Variants in FGF7 observed in about 807,000 individuals in gnomAD.
FGF7 encodes FGF-7.
FGF7 carries 6 observed loss-of-function variants against 20.5 expected under a neutral mutation model. That is an observed-to-expected ratio of 0.29 (90% CI 0.16 to 0.58). The LOEUF is 0.58. Among genes scored for constraint, FGF7 ranks in the 20% least tolerant of loss-of-function variants. The probability of loss-of-function intolerance (pLI) is 0.90; values close to 1 mark genes in which losing one functional copy is unlikely to be tolerated. For missense variants in FGF7, 144 were observed against 228.8 expected (o/e 0.63, Z 2.39); for synonymous variants, 64 against 74.7 (o/e 0.86, Z 0.74).
At chr15:49,462,392 A>G (rs528744604) in intron 2 of FGF7, among the ~76,000 whole-genome samples, 146 of 152,296 alleles carry the variant, frequency 9.6e-4, no homozygotes, top group Middle Eastern at 6.8e-3. Context: ...CTTAATCACA[A>G]TGCTTTTTCC....
In FGF7 at chr15:49,424,020, C is replaced by T. The variant is rs1243374368; in HGVS notation, c.-266-12C>T. 1 of 323,256 alleles carries T rather than the reference C, an allele frequency of 3.1e-6. No homozygotes were observed. Among genetic ancestry groups the T allele is most frequent in the African/African-American group, 2.1e-5 (1 of 47,388 alleles). 20.0% of individuals were successfully genotyped at this position (323,256 alleles called of 1,614,324 possible). The stretch of plus-strand genomic sequence containing the variant: ...CCTCCCCTCCCTATTCTTAATCTCT[C>T]ATTGCAAACAGAAGTCAAATAGCAA... On this transcript the variant is annotated splice_polypyrimidine_tract_variant and intron_variant, in intron 1 of 3. Coordinates refer to ENST00000267843, the MANE Select transcript of FGF7 (RefSeq NM_002009.4).
chr15:49,425,182 A>G (rs2050014776), intron 2 of FGF7: 1 of 152,052 alleles, frequency 6.6e-6, no homozygotes, highest in South Asian at 2.1e-4. Context: ...GCAGAAAAAC[A>G]GATCTCTCCT....
chr15:49,438,528 C>T (rs2051317795), intron 2 of FGF7, among the ~76,000 whole-genome samples: 1 of 151,622 alleles, frequency 6.6e-6, no homozygotes, highest in Admixed American at 6.6e-5. Flanking sequence ...TAGCTTATCA[C>T]ACCAATAGCA....
chr15:49,440,756 C>T (rs2051558665), intron 2 of FGF7, among the ~76,000 whole-genome samples: 1 of 151,664 alleles, frequency 6.6e-6, no homozygotes, highest in Non-Finnish European at 1.5e-5. Context: ...TAGTAAACAA[C>T]AGAGTCAGGA....
intron 2 of FGF7, among the ~76,000 whole-genome samples, chr15:49,460,229 A>T (rs1361344563): frequency 6.6e-6 from 1 of 152,182 alleles, no homozygotes; most frequent in East Asian, 1.9e-4. Flanking sequence ...AAAAAGTCCA[A>T]AAAACTCAGT....
chr15:49,424,461 G>T lies in FGF7; in HGVS notation c.164G>T (p.Ser55Ile), dbSNP rs1567249491. The stretch of plus-strand genomic sequence containing the variant: ...TCCAGCCCTGAGCGACACACAAGAA[G>T]TTATGATTACATGGAAGGAGGGGAT... ...NCSSPERHTR[S>I]YDYMEGGDIR... Residue 55 changes from serine (S) to isoleucine (I), a missense_variant, in exon 2 of 4, where the codon AGT becomes ATT. Ser to Ile is a moderately radical substitution (Grantham distance 142). Coordinates refer to ENST00000267843, the MANE Select transcript of FGF7 (RefSeq NM_002009.4). 6.2e-7 allele frequency: 1 copy of T among 1,613,538 alleles called. No homozygotes were observed. The highest frequency in any genetic ancestry group is 8.5e-7 in the Non-Finnish European group (1 of 1,179,640).
chr15:49,424,830 C>A, intron 2 of FGF7: 1 of 288,318 alleles, frequency 3.5e-6, no homozygotes, highest in Admixed American at 4.7e-5. Context: ...ACTCCTTGTC[C>A]TGAAAATGCT....
chr15:49,474,445 C>T (rs2055057258), intron 2 of FGF7, among the ~76,000 whole-genome samples: 1 of 152,116 alleles, frequency 6.6e-6, no homozygotes, highest in Non-Finnish European at 1.5e-5. Context: ...AATGAACCAC[C>T]TGAAAACTGG....
chr15:49,437,823 T>G (rs2051247767), intron 2 of FGF7, among the ~76,000 whole-genome samples: 1 of 151,654 alleles, frequency 6.6e-6, no homozygotes, highest in South Asian at 2.1e-4. Flanking sequence ...AGAGTCAATT[T>G]CAGTAGAATA....
At chr15:49,457,590 G>C (rs2053427413) in intron 2 of FGF7, among the ~76,000 whole-genome samples, 1 of 151,826 alleles carries the variant, frequency 6.6e-6, no homozygotes, top group African/African-American at 2.4e-5. Flanking sequence ...TTTCTCAAGA[G>C]GAAAGAAAAC....
intron 2 of FGF7, among the ~76,000 whole-genome samples, chr15:49,445,498 C>T (rs541484677): frequency 2.6e-5 from 4 of 151,492 alleles, no homozygotes; most frequent in East Asian, 3.9e-4. Context: ...CTAAAACAAA[C>T]AGACCTTTTG....
intron 2 of FGF7, among the ~76,000 whole-genome samples, chr15:49,445,757 T>A (rs1468092412): frequency 6.6e-6 from 1 of 151,562 alleles, no homozygotes; most frequent in Non-Finnish European, 1.5e-5. Flanking sequence ...GGTATCTGTT[T>A]AAAGTCCTGC....
At chr15:49,451,177 T>C (rs1168864814) in intron 2 of FGF7, among the ~76,000 whole-genome samples, 1 of 152,094 alleles carries the variant, frequency 6.6e-6, no homozygotes, top group Non-Finnish European at 1.5e-5. Flanking sequence ...ATATGGATAC[T>C]TACATATAAA....
chr15:49,434,982 T>A (rs998047987), intron 2 of FGF7, among the ~76,000 whole-genome samples: 1 of 151,598 alleles, frequency 6.6e-6, no homozygotes, highest in African/African-American at 2.4e-5. Flanking sequence ...ATTTTTCACT[T>A]TTTTATGATA....
At chr15:49,468,069 T>A (rs1037803805) in intron 2 of FGF7, among the ~76,000 whole-genome samples, 26 of 152,218 alleles carry the variant, frequency 1.7e-4, no homozygotes, top group African/African-American at 6.3e-4. Flanking sequence ...ATTGCTATAA[T>A]TGTACCACAT....
intron 2 of FGF7, among the ~76,000 whole-genome samples, chr15:49,453,697 C>T (rs913170766): frequency 1.3e-5 from 2 of 152,164 alleles, no homozygotes; most frequent in Non-Finnish European, 2.9e-5. Context: ...GCTGTTTAAT[C>T]TGAAATCTGA....
chr15:49,457,270 G>A (rs562851152), intron 2 of FGF7, among the ~76,000 whole-genome samples: 8 of 152,018 alleles, frequency 5.3e-5, no homozygotes, highest in South Asian at 4.1e-4. Flanking sequence ...TTCCAAATGC[G>A]GTAACAACGG....
At chr15:49,461,840 G>C (rs536143227) in intron 2 of FGF7, among the ~76,000 whole-genome samples, 3 of 152,084 alleles carry the variant, frequency 2.0e-5, no homozygotes, top group Admixed American at 1.3e-4. Context: ...TCTACATATG[G>C]TTACTAGGGT....
chr15:49,440,861 T>A (rs74012377), intron 2 of FGF7, among the ~76,000 whole-genome samples: 3,189 of 151,816 alleles, frequency 0.021, 139 homozygotes, highest in African/African-American at 0.074. Context: ...ATTACTGAGG[T>A]ATTATTAAAC....
Sources: gnomAD v4.1 joint callset for allele counts (sites outside exome capture counted in the v4.1 genomes callset) on GRCh38, gnomAD v4.1.1 for gene constraint, MANE v1.5 for transcripts, NCBI Gene and HGNC (gene_info 2026-07-23, HGNC 2026-07-21) for gene names.